DENND4A: variants seen among roughly 807,000 people sequenced by gnomAD.
DENND4A encodes the protein DENN domain containing 4A, also known as C-myc promoter-binding protein.
DENND4A carries 70 observed loss-of-function variants against 199.3 expected under a neutral mutation model. That is an observed-to-expected ratio of 0.35 (90% confidence interval 0.29 to 0.43). The LOEUF (loss-of-function observed/expected upper bound fraction) is 0.43. Among genes scored for constraint, DENND4A ranks in the 20% least tolerant of loss-of-function variants. The pLI is 1.00. For synonymous variants in DENND4A, 686 were observed against 766.9 expected (o/e 0.89, Z 1.74); for missense variants, 1,723 against 2,255.8 (o/e 0.76, Z 4.78).
intron 2 of DENND4A, among the ~76,000 whole-genome samples, chr15:65,757,062 G>A (rs1311723113): frequency 6.6e-6 from 1 of 151,640 alleles, no homozygotes; most frequent in Non-Finnish European, 1.5e-5. Context: ...ATAAATAAAT[G>A]CACAGTCGTT....
chr15:65,702,589 A>G, intron 16 of DENND4A, 78 bp from the exon 17 acceptor site: 1 of 1,184,570 alleles, frequency 8.4e-7, no homozygotes, highest in Non-Finnish European at 1.2e-6. Context: ...AAACAAGTAC[A>G]AGTCACATGC....
At chr15:65,688,462 A>G (rs2076866920) in intron 23 of DENND4A, among the ~76,000 whole-genome samples, 1 of 152,204 alleles carries the variant, frequency 6.6e-6, no homozygotes, top group Non-Finnish European at 1.5e-5. Context: ...GTACTGTTAT[A>G]ATACTTCCGA....
intron 1 of DENND4A, among the ~76,000 whole-genome samples, chr15:65,789,503 T>A (rs761732177): frequency 1.1e-3 from 151 of 142,890 alleles, no homozygotes; most frequent in Non-Finnish European, 2.0e-3. Flanking sequence ...ATATAGGGTA[T>A]TAGATTAAAA....
chr15:65,775,397 T>C (rs2077257377), intron 1 of DENND4A, among the ~76,000 whole-genome samples: 2 of 150,648 alleles, frequency 1.3e-5, no homozygotes, highest in African/African-American at 4.9e-5. Context: ...TCCCAGCACT[T>C]TGGGAGGCTG....
At chr15:65,718,166 T>G (rs80090060) in intron 12 of DENND4A, among the ~76,000 whole-genome samples, 170 bp from the exon 13 acceptor site, 5 of 152,230 alleles carry the variant, frequency 3.3e-5, no homozygotes, top group Non-Finnish European at 7.4e-5. Flanking sequence ...TTTTGTAGTC[T>G]CCGTTGAGTA....
At position 65,738,754 on chromosome 15, in the gene DENND4A, A is replaced by G. The variant is rs149811073; in HGVS notation, c.753T>C (p.Pro251=). The G allele has an allele frequency of 2.5e-6, 4 of 1,612,712 alleles. No homozygotes were observed. The African/African-American group carries it at 4.0e-5, about 16-fold the overall frequency. ...AAACAAAAGTAGAAAATACAGGCAG[A>G]GGGTATTTGCTATTTGATGGCCAAC... ...IECWPSNSKY[P]LPVFSTFVLT... The change falls in exon 6 of 33, where the codon CCT becomes CCC. Residue 251 remains proline (P), a synonymous_variant. Transcript: ENST00000443035.
chr15:65,774,442 A>G (rs571824703), intron 1 of DENND4A, among the ~76,000 whole-genome samples: 44 of 152,326 alleles, frequency 2.9e-4, no homozygotes, highest in Admixed American at 1.1e-3. Context: ...GTGAGCCCAG[A>G]TTGAGCCACT....
intron 18 of DENND4A, 52 bp downstream of exon 18, chr15:65,701,710 G>A: frequency 6.6e-7 from 1 of 1,524,618 alleles, no homozygotes; most frequent in Non-Finnish European, 9.1e-7. Context: ...TGCCATTAAT[G>A]TTGCATAATG....
chr15:65,768,326 CGTTTT>C (rs79131348), intron 1 of DENND4A, among the ~76,000 whole-genome samples: 3,298 of 152,034 alleles, frequency 0.022, 54 homozygotes, highest in Non-Finnish European at 0.03. Flanking sequence ...CTGTTTTTTT[CGTTTT>C]GTTTTGTTCT....
At chr15:65,738,168 AAATTT>A (rs1406847802) in intron 6 of DENND4A, among the ~76,000 whole-genome samples, 1 of 152,216 alleles carries the variant, frequency 6.6e-6, no homozygotes, top group East Asian at 1.9e-4. Flanking sequence ...TGTTTTGATT[AAATTT>A]ATTTGTTTTA....
At chr15:65,789,772 A>G (rs1312951197) in intron 1 of DENND4A, among the ~76,000 whole-genome samples, 14 of 152,258 alleles carry the variant, frequency 9.2e-5, no homozygotes, top group Non-Finnish European at 4.4e-5. Context: ...TTTGTAGGAC[A>G]TAGAATGCTT....
chr15:65,702,529 A>T lies in DENND4A; in HGVS notation c.2224-18T>A. On this transcript the variant is annotated intron_variant, in intron 16 of 32. Coordinates refer to ENST00000443035, the MANE Select transcript of DENND4A (RefSeq NM_001320835.1). ...TTAATTTCCTGGAAAAAATATAAAG[A>T]TCTTACTAATAAATTTATGCACTTA... The T allele has an allele frequency of 2.6e-6, 4 of 1,545,778 alleles. No homozygotes were observed. Among genetic ancestry groups the T allele is most frequent in the Non-Finnish European group, 3.5e-6 (4 of 1,140,482 alleles).
chr15:65,749,111 T>C (rs967174919), intron 4 of DENND4A, among the ~76,000 whole-genome samples: 1 of 152,150 alleles, frequency 6.6e-6, no homozygotes, highest in African/African-American at 2.4e-5. Flanking sequence ...AATATTCTCG[T>C]ACTTTATTGG....
At chr15:65,727,288 T>G (rs1053973303) in intron 11 of DENND4A, among the ~76,000 whole-genome samples, 18 of 151,108 alleles carry the variant, frequency 1.2e-4, no homozygotes, top group African/African-American at 4.4e-4. Flanking sequence ...CCGTCTCTAC[T>G]AAAAATACAA....
intron 22 of DENND4A, among the ~76,000 whole-genome samples, chr15:65,695,618 T>C (rs1354536761): frequency 6.6e-6 from 1 of 152,156 alleles, no homozygotes; most frequent in Non-Finnish European, 1.5e-5. Flanking sequence ...CAGCACATGT[T>C]CTTCAATATT....
At chr15:65,737,621 C>T (rs2076151780) in intron 7 of DENND4A, 86 bp downstream of exon 7, 14 of 1,293,072 alleles carry the variant, frequency 1.1e-5, no homozygotes, top group African/African-American at 1.5e-5. Flanking sequence ...ATCTAGTATC[C>T]ATATAAAATT....
chr15:65,678,499 G>A (rs1180928825), intron 23 of DENND4A, among the ~76,000 whole-genome samples: 1 of 152,134 alleles, frequency 6.6e-6, no homozygotes, highest in Non-Finnish European at 1.5e-5. Flanking sequence ...GACATTTCAT[G>A]TTTGTGTTCT....
rs567468372 is a variant in DENND4A, at chr15:65,760,846, C to T, written c.-23+514G>A. On this transcript the variant is annotated intron_variant, in intron 2 of 32. Coordinates refer to ENST00000443035, the MANE Select transcript of DENND4A (RefSeq NM_001320835.1). ...AGAGGTTGCAATGGGCCAAGATCAA[C>T]GCCACTGCACTCCAGCCTGGGCAAC... 6.3e-4 allele frequency among the ~76,000 whole-genome samples: 94 copies of T among 149,180 alleles called. 2 individuals carry two copies. The highest frequency in any genetic ancestry group is 2.0e-3 in the African/African-American group (81 of 40,552).
intron 5 of DENND4A, among the ~76,000 whole-genome samples, chr15:65,740,136 G>A (rs1415997824): frequency 6.6e-6 from 1 of 151,958 alleles, no homozygotes; most frequent in African/African-American, 2.4e-5. Context: ...AGCCAAGATC[G>A]TGCCACTGCA....
Sources: allele counts gnomAD v4.1 joint callset (sites outside exome capture counted in the v4.1 genomes callset), GRCh38; gene constraint gnomAD v4.1.1; transcripts MANE v1.5; gene names NCBI Gene and HGNC (gene_info 2026-07-23, HGNC 2026-07-21).